Variants in PKHD1 observed in about 807,000 individuals in gnomAD.
PKHD1 encodes the protein fibrocystin.
Under a neutral mutation model 412.0 loss-of-function variants are expected in PKHD1, and 291 were observed. The ratio of observed to expected loss-of-function variants is 0.71; its 90% CI spans 0.64 to 0.78. The LOEUF is 0.78. Ranked by LOEUF, PKHD1 falls within the 30% of genes least tolerant of loss-of-function variation. The probability of loss-of-function intolerance (pLI) is 0.00; values close to 1 mark genes in which losing one functional copy is unlikely to be tolerated. For missense variants in PKHD1, 4,825 were observed against 4,950.7 expected, an observed-to-expected ratio of 0.97 and a Z score of 0.76; for synonymous variants, 1,777 against 1,821.5, an observed-to-expected ratio of 0.98 and a Z score of 0.62.
chr6:52,019,411 T>C (rs1801068788), intron 33 of PKHD1, among the ~76,000 whole-genome samples: 1 of 152,216 alleles, frequency 6.6e-6, no homozygotes, highest in African/African-American at 2.4e-5. Context: ...TGAATGTGTT[T>C]TGAATGAATT....
intron 53 of PKHD1, among the ~76,000 whole-genome samples, chr6:51,779,705 A>T (rs1284406095): frequency 1.3e-5 from 2 of 152,278 alleles, no homozygotes; most frequent in South Asian, 4.1e-4. Context: ...ATAGCTTAAA[A>T]ATATATACTG....
chr6:52,077,577 G>C (rs569469981), intron 5 of PKHD1, among the ~76,000 whole-genome samples: 1 of 152,324 alleles, frequency 6.6e-6, no homozygotes, highest in South Asian at 2.1e-4. Flanking sequence ...TAACTCGGTT[G>C]TTAATCAACA....
At chr6:52,030,022 C>T (rs1194475579) in intron 29 of PKHD1, among the ~76,000 whole-genome samples, 2 of 152,136 alleles carry the variant, frequency 1.3e-5, no homozygotes, top group Admixed American at 6.5e-5. Context: ...AATGTCCTTA[C>T]CTTTCCTGTG....
intron 55 of PKHD1, among the ~76,000 whole-genome samples, chr6:51,758,730 A>G (rs1469580014): frequency 6.6e-6 from 1 of 152,198 alleles, no homozygotes; most frequent in African/African-American, 2.4e-5. Context: ...CTAAGAAAAT[A>G]TAAACAAAAT....
At chr6:51,858,441 G>T (rs1469988910) in intron 48 of PKHD1, among the ~76,000 whole-genome samples, 1 of 152,118 alleles carries the variant, frequency 6.6e-6, no homozygotes, top group East Asian at 1.9e-4. Context: ...ATGATAAGAG[G>T]TAAGTTCGAA....
intron 52 of PKHD1, among the ~76,000 whole-genome samples, chr6:51,808,874 C>T (rs752169902): frequency 6.6e-6 from 1 of 152,066 alleles, no homozygotes; most frequent in Non-Finnish European, 1.5e-5. Flanking sequence ...AGGACAAGAT[C>T]AAACTCCATT....
intron 60 of PKHD1, among the ~76,000 whole-genome samples, chr6:51,696,689 G>A (rs1418274320): frequency 6.6e-6 from 1 of 152,178 alleles, no homozygotes; most frequent in African/African-American, 2.4e-5. Context: ...AGCAAGCCAG[G>A]TTAGAGGTGG....
At chr6:51,743,792 C>T (rs1487789872) in intron 60 of PKHD1, among the ~76,000 whole-genome samples, 1 of 152,142 alleles carries the variant, frequency 6.6e-6, no homozygotes, top group Non-Finnish European at 1.5e-5. Context: ...AATTCAGAGT[C>T]AGCTTGTTAG....
intron 35 of PKHD1, among the ~76,000 whole-genome samples, chr6:51,964,700 G>T (rs1374593816): frequency 6.6e-6 from 1 of 152,074 alleles, no homozygotes; most frequent in African/African-American, 2.4e-5. Context: ...TTTAATAACT[G>T]AAATAATATG....
chr6:51,687,672 T>G (rs951667881), intron 60 of PKHD1, among the ~76,000 whole-genome samples: 1 of 152,200 alleles, frequency 6.6e-6, no homozygotes, highest in African/African-American at 2.4e-5. Flanking sequence ...ATTTAGTACT[T>G]GCCCAAAGAC....
intron 33 of PKHD1, among the ~76,000 whole-genome samples, chr6:52,018,981 G>A (rs927117927): frequency 6.6e-6 from 1 of 152,214 alleles, no homozygotes; most frequent in South Asian, 2.1e-4. Context: ...GCATGTTATA[G>A]AGATAAAAAG....
intron 28 of PKHD1, among the ~76,000 whole-genome samples, chr6:52,033,613 C>T (rs1376753752): frequency 6.6e-6 from 1 of 151,338 alleles, no homozygotes; most frequent in Non-Finnish European, 1.5e-5. Context: ...TGGTTATTAT[C>T]TCATAAAATA....
At chr6:51,754,028 C>A (rs1786552215) in intron 56 of PKHD1, among the ~76,000 whole-genome samples, 1 of 152,148 alleles carries the variant, frequency 6.6e-6, no homozygotes, top group African/African-American at 2.4e-5. Flanking sequence ...TTGATTTAGA[C>A]AGAGCTTTAG....
intron 60 of PKHD1, among the ~76,000 whole-genome samples, chr6:51,668,365 A>G (rs1266590694): frequency 1.3e-5 from 2 of 152,270 alleles, no homozygotes; most frequent in East Asian, 1.9e-4. Flanking sequence ...TTGGTGTATA[A>G]GAATGCTTGT....
Position 52,033,130 on chromosome 6 carries a change from G to T in PKHD1, c.3264C>A (p.Ile1088=). Reference sequence around the variant, plus strand: ...GAAGAACTGCAGAATAGTCCCCTCTGATCACAGTCACATTCACAATGCGTC... The same window carrying T: ...GAAGAACTGCAGAATAGTCCCCTCTTATCACAGTCACATTCACAATGCGTC... ...KDGRIVNVTV[I]RGDYSAVLPR... Residue 1088 remains isoleucine, a synonymous_variant, in exon 29 of 67, where the codon ATC becomes ATA. Transcript: ENST00000371117. 6.2e-7 allele frequency: 1 copy of T among 1,611,820 alleles called. No homozygotes were observed. The highest frequency in any genetic ancestry group is 8.5e-7 in the Non-Finnish European group (1 of 1,178,036).
chr6:52,075,210 T>G (rs1245599344), intron 6 of PKHD1, among the ~76,000 whole-genome samples: 31 of 152,214 alleles, frequency 2.0e-4, no homozygotes, highest in Non-Finnish European at 4.4e-5. Context: ...CAAATTCATA[T>G]TCTCTGAAAT....
At chr6:51,948,632 C>T (rs188366107) in intron 36 of PKHD1, among the ~76,000 whole-genome samples, 9 of 152,252 alleles carry the variant, frequency 5.9e-5, no homozygotes, top group Non-Finnish European at 1.2e-4. Context: ...ACATGGGGAA[C>T]GTGTTAAGTG....
intron 49 of PKHD1, among the ~76,000 whole-genome samples, chr6:51,851,046 T>C (rs1363842063): frequency 6.6e-6 from 1 of 152,192 alleles, no homozygotes; most frequent in Non-Finnish European, 1.5e-5. Context: ...CATAAATAGC[T>C]GTTATTATTT....
At chr6:52,024,441 G>A (rs1178331257) in intron 32 of PKHD1, 133 bp downstream of exon 32, 3 of 840,100 alleles carry the variant, frequency 3.6e-6, no homozygotes, top group South Asian at 2.7e-5. Flanking sequence ...AAGGAATTGG[G>A]ATTGTAAGAA....
Sources: allele counts gnomAD v4.1 joint callset (sites outside exome capture counted in the v4.1 genomes callset), GRCh38; gene constraint gnomAD v4.1.1; transcripts MANE v1.5; gene names NCBI Gene and HGNC (gene_info 2026-07-23, HGNC 2026-07-21).